S100A8: variants seen among roughly 807,000 people sequenced by gnomAD.
S100A8 encodes S100 calcium binding protein A8.
Under a neutral mutation model 4.2 loss-of-function variants are expected in S100A8, and 1 was observed. The observed-to-expected ratio is 0.24, with a 90% CI of 0.08 to 1.12. The LOEUF (loss-of-function observed/expected upper bound fraction) is 1.12. Among genes scored for constraint, S100A8 ranks in the 50% most tolerant of loss-of-function variants. The pLI is 0.53. For missense variants in S100A8, 96 were observed against 111.8 expected, an observed-to-expected ratio of 0.86 and a Z score of 0.64; for synonymous variants, 41 against 44.7, an observed-to-expected ratio of 0.92 and a Z score of 0.33.
chr1:153,414,585 C>T, the S100A8 span, among the ~76,000 whole-genome samples: 1 of 152,120 alleles, frequency 6.6e-6, no homozygotes, highest in Non-Finnish European at 1.5e-5. Flanking sequence ...TATGAGAATG[C>T]CCAAAATCTG....
At chr1:153,397,176 G>A in the S100A8 span, among the ~76,000 whole-genome samples, 3 of 152,254 alleles carry the variant, frequency 2.0e-5, no homozygotes, top group African/African-American at 7.2e-5. Context: ...CCTCAAGGCA[G>A]GGCAGTGCCT....
At chr1:153,390,968 A>T in intron 1 of S100A8, 73 bp downstream of exon 1, 1 of 966,596 alleles carries the variant, frequency 1.0e-6, no homozygotes, top group Non-Finnish European at 1.2e-6. Context: ...TCTCTCAGGA[A>T]GGCTGCTCCA....
chr1:153,404,526 G>A, the S100A8 span, among the ~76,000 whole-genome samples: 3 of 152,090 alleles, frequency 2.0e-5, no homozygotes, highest in African/African-American at 7.2e-5. Flanking sequence ...GATTTCAGAC[G>A]CTCGGTGTCA....
the S100A8 span, among the ~76,000 whole-genome samples, chr1:153,417,655 G>T: frequency 6.6e-6 from 1 of 152,220 alleles, no homozygotes; most frequent in African/African-American, 2.4e-5. Flanking sequence ...CCATTGTCCT[G>T]CCCCCGTGAC....
chr1:153,398,759 C>G, the S100A8 span, among the ~76,000 whole-genome samples: 1 of 152,198 alleles, frequency 6.6e-6, no homozygotes, highest in Non-Finnish European at 1.5e-5. Context: ...ACGTAACCCT[C>G]ACGTGGGCCA....
chr1:153,393,906 A>G (rs1662158405), upstream of S100A8, among the ~76,000 whole-genome samples: 2 of 152,186 alleles, frequency 1.3e-5, no homozygotes, highest in African/African-American at 4.8e-5. Flanking sequence ...GGGAGTCCTG[A>G]GTGGTGACCT....
chr1:153,398,487 G>T, the S100A8 span, among the ~76,000 whole-genome samples: 6 of 152,126 alleles, frequency 3.9e-5, no homozygotes, highest in African/African-American at 1.4e-4. Context: ...TCTCCAGAGG[G>T]AGTCCCCATG....
chr1:153,422,198 G>A, the S100A8 span: 1 of 152,274 alleles, frequency 6.6e-6, no homozygotes, highest in Non-Finnish European at 1.5e-5. Flanking sequence ...ATATGAAGAG[G>A]AGAGGGGACC....
the S100A8 span, among the ~76,000 whole-genome samples, chr1:153,414,687 T>A: frequency 6.6e-6 from 1 of 152,214 alleles, no homozygotes; most frequent in Non-Finnish European, 1.5e-5. Flanking sequence ...TACAGCCACT[T>A]GGGAAGACAG....
At chr1:153,406,557 C>T in the S100A8 span, among the ~76,000 whole-genome samples, 1 of 152,162 alleles carries the variant, frequency 6.6e-6, no homozygotes, top group Non-Finnish European at 1.5e-5. Context: ...ACAGAGTCAG[C>T]ACTCACAGCA....
the S100A8 span, among the ~76,000 whole-genome samples, chr1:153,398,428 CG>C: frequency 6.6e-6 from 1 of 152,176 alleles, no homozygotes; most frequent in Non-Finnish European, 1.5e-5. Flanking sequence ...ATCCTTCCCC[CG>C]GGCATGGATC....
chr1:153,398,685 T>C, the S100A8 span, among the ~76,000 whole-genome samples: 6 of 152,194 alleles, frequency 3.9e-5, no homozygotes, highest in Non-Finnish European at 8.8e-5. Flanking sequence ...CAACTGCTGC[T>C]TCCACCGCTC....
At chr1:153,390,590 G>A in intron 1 of S100A8, 33 bp from the exon 2 acceptor site, 2 of 1,609,504 alleles carry the variant, frequency 1.2e-6, no homozygotes, top group South Asian at 1.1e-5. Flanking sequence ...GAATCCCATG[G>A]CAGGGAATTT....
chr1:153,420,400 A>C, the S100A8 span: 1 of 152,154 alleles, frequency 6.6e-6, no homozygotes, highest in Non-Finnish European at 1.5e-5. Context: ...CTTGAGGCTC[A>C]CATCATGTGT....
chr1:153,390,643 G>A lies in S100A8; in HGVS notation c.-22-86C>T. On this transcript the variant is annotated intron_variant, in intron 1 of 2. Coordinates refer to ENST00000368733, the MANE Select transcript of S100A8 (RefSeq NM_002964.5). ...TACGCAGAGGATTCATGCCCCAAGC[G>A]ATGGCCTTGTCCTGGCCTGCACTCT... 36 of 1,521,002 alleles carry A rather than the reference G, an allele frequency of 2.4e-5. No individual in the cohort carries two copies. The South Asian group carries it at 3.6e-4, about 15-fold the overall frequency. The allele number at this position is 1,521,002 out of a possible 1,614,324, so 94.2% of individuals were successfully genotyped here.
the S100A8 span, among the ~76,000 whole-genome samples, chr1:153,407,482 G>T: frequency 3.3e-5 from 5 of 152,196 alleles, no homozygotes; most frequent in African/African-American, 1.2e-4. Context: ...GCGCGAACTG[G>T]GTGGAGCCCA....
chr1:153,391,006 C>T, intron 1 of S100A8, 35 bp downstream of exon 1: 2 of 989,942 alleles, frequency 2.0e-6, no homozygotes, highest in Non-Finnish European at 2.4e-6. Context: ...AAGAGAAGCC[C>T]AAAGTGCGGG....
the S100A8 span, among the ~76,000 whole-genome samples, chr1:153,399,518 A>G: frequency 2.6e-5 from 4 of 152,184 alleles, no homozygotes; most frequent in Non-Finnish European, 5.9e-5. Flanking sequence ...GTGAACCCCC[A>G]AACTCCACTG....
chr1:153,390,662 G>A lies in S100A8; in HGVS notation c.-22-105C>T, dbSNP rs115060991. ...CCAAGCGATGGCCTTGTCCTGGCCT[G>A]CACTCTCCAAATAACCAAACCAGCA... On this transcript the variant is annotated intron_variant, in intron 1 of 2. Transcript: ENST00000368733. The A allele has an allele frequency of 4.8e-4, 680 of 1,408,582 alleles. 1 individual carries two copies. The African/African-American group carries it at 5.8e-3, about 12-fold the overall frequency. The allele number at this position is 1,408,582 out of a possible 1,614,324, so 87.3% of individuals were successfully genotyped here.
Sources: gnomAD v4.1 joint callset for allele counts (sites outside exome capture counted in the v4.1 genomes callset) on GRCh38, gnomAD v4.1.1 for gene constraint, MANE v1.5 for transcripts, NCBI Gene and HGNC (gene_info 2026-07-23, HGNC 2026-07-21) for gene names.